SCUBE1: variants seen among roughly 807,000 people sequenced by gnomAD.
The protein encoded by SCUBE1 is signal peptide, CUB domain and EGF like domain containing 1, also known as signal peptide, CUB and EGF-like domain-containing protein 1.
In SCUBE1, 59 loss-of-function variants were observed where a neutral mutation model predicts 124.4. That is an observed-to-expected ratio of 0.47 (90% CI 0.38 to 0.59). SCUBE1 has a LOEUF of 0.59. Among genes scored for constraint, SCUBE1 ranks in the 20% least tolerant of loss-of-function variants. SCUBE1 has a pLI of 0.00. For missense variants in SCUBE1, 1,150 were observed against 1,371.2 expected, an observed-to-expected ratio of 0.84 and a Z score of 2.55; for synonymous variants, 545 against 550.9, an observed-to-expected ratio of 0.99 and a Z score of 0.15.
At position 43,198,571 on chromosome 22, in the gene SCUBE1, CCCT is replaced by C; in HGVS notation, c.*5423_*5425del. The C allele has an allele frequency of 2.2e-6, 1 of 456,716 alleles. No homozygotes were observed. Among genetic ancestry groups the C allele is most frequent in the South Asian group, 1.5e-5 (1 of 64,572 alleles). The allele number at this position is 456,716 out of a possible 1,614,324, so 28.3% of individuals were successfully genotyped here. On this transcript the variant is annotated 3_prime_UTR_variant, in exon 22 of 22. Transcript: ENST00000360835. ...CTCTCTCTCCACATCCTCACTCCACCCCTCATTACATCCTCTGCCCTTGGCCTG... is the reference window on the plus strand; with the variant it reads ...CTCTCTCTCCACATCCTCACTCCACCCATTACATCCTCTGCCCTTGGCCTG...
intron 3 of SCUBE1, among the ~76,000 whole-genome samples, chr22:43,310,767 C>T (rs4822278): frequency 0.46 from 69,487 of 152,096 alleles, 16,146 homozygotes; most frequent in Non-Finnish European, 0.49. Context: ...TTTCAATACA[C>T]ATTTTTTAAA....
At chr22:43,296,164 C>T (rs1001128447) in intron 3 of SCUBE1, among the ~76,000 whole-genome samples, 3 of 152,202 alleles carry the variant, frequency 2.0e-5, no homozygotes, top group Non-Finnish European at 4.4e-5. Flanking sequence ...CCTACCCTGG[C>T]GACCCCACAC....
At chr22:43,252,058 T>C (rs896353119) in intron 6 of SCUBE1, among the ~76,000 whole-genome samples, 3 of 152,234 alleles carry the variant, frequency 2.0e-5, no homozygotes, top group African/African-American at 7.2e-5. Context: ...TTTTAACTGA[T>C]TGTAATGGGA....
chr22:43,279,796 C>T (rs1017298689), intron 4 of SCUBE1, among the ~76,000 whole-genome samples: 3 of 152,176 alleles, frequency 2.0e-5, no homozygotes, highest in Admixed American at 2.0e-4. Context: ...CCGAAAGGAC[C>T]TGCCCTGGCA....
intron 15 of SCUBE1, among the ~76,000 whole-genome samples, chr22:43,214,951 C>A (rs1235327191): frequency 6.6e-6 from 1 of 152,190 alleles, no homozygotes; most frequent in Non-Finnish European, 1.5e-5. Context: ...ACGGGAGGCA[C>A]TGGCATGAAT....
intron 3 of SCUBE1, among the ~76,000 whole-genome samples, chr22:43,309,940 C>T (rs1399583107): frequency 6.6e-6 from 1 of 152,224 alleles, no homozygotes; most frequent in African/African-American, 2.4e-5. Context: ...ACCCAGGCCA[C>T]TGCAGTGGTT....
chr22:43,280,709 CCTCGGCCACCCTCCTGTCACCTTCCT>C, intron 4 of SCUBE1, among the ~76,000 whole-genome samples: 1 of 65,296 alleles, frequency 1.5e-5, no homozygotes, highest in Admixed American at 1.9e-4. Context: ...CCACCTTCCT[CCTCGGCCACCCTCCTGTCACCTTCCT>C]CCTCGGCCAC....
intron 6 of SCUBE1, among the ~76,000 whole-genome samples, chr22:43,247,522 A>G (rs1369237733): frequency 6.6e-6 from 1 of 152,130 alleles, no homozygotes; most frequent in Non-Finnish European, 1.5e-5. Flanking sequence ...GAAACCACCC[A>G]CCTTCCTTGG....
intron 9 of SCUBE1, among the ~76,000 whole-genome samples, chr22:43,228,240 C>T (rs971972325): frequency 6.6e-6 from 1 of 152,206 alleles, no homozygotes; most frequent in African/African-American, 2.4e-5. Flanking sequence ...CTTCACCCAC[C>T]ATGCCCATAT....
At chr22:43,251,438 G>A (rs1412236047) in intron 6 of SCUBE1, among the ~76,000 whole-genome samples, 1 of 152,238 alleles carries the variant, frequency 6.6e-6, no homozygotes, top group Admixed American at 6.5e-5. Flanking sequence ...TGGCAGAAGG[G>A]CCTCTGCAGA....
At chr22:43,206,678 G>A (rs541497577) in intron 21 of SCUBE1, among the ~76,000 whole-genome samples, 3 of 152,124 alleles carry the variant, frequency 2.0e-5, no homozygotes, top group African/African-American at 7.2e-5. Context: ...GCTCTGGTGC[G>A]TGTGAGGAGC....
intron 2 of SCUBE1, among the ~76,000 whole-genome samples, chr22:43,328,947 G>A (rs1475597017): frequency 6.6e-6 from 1 of 152,204 alleles, no homozygotes; most frequent in Non-Finnish European, 1.5e-5. Flanking sequence ...CTAGAAGGTG[G>A]TGAAGGCAAC....
At chr22:43,227,337 G>A (rs772984094) in intron 10 of SCUBE1, 37 bp downstream of exon 10, 79 of 1,592,416 alleles carry the variant, frequency 5.0e-5, no homozygotes, top group Admixed American at 2.2e-4. Flanking sequence ...AAGCCCAGGT[G>A]CAGGGGAGGG....
At chr22:43,285,382 T>A (rs2413753) in intron 4 of SCUBE1, among the ~76,000 whole-genome samples, 7 of 152,144 alleles carry the variant, frequency 4.6e-5, no homozygotes, top group African/African-American at 1.2e-4. Context: ...TTCCTTCCCC[T>A]CTCTGTCCTT....
At chr22:43,257,419 G>A (rs1274497815) in intron 6 of SCUBE1, among the ~76,000 whole-genome samples, 1 of 152,208 alleles carries the variant, frequency 6.6e-6, no homozygotes, top group Non-Finnish European at 1.5e-5. Context: ...GTTAAAAAAT[G>A]TGCTGCTATT....
chr22:43,231,082 T>C (rs1427900356), intron 8 of SCUBE1, among the ~76,000 whole-genome samples: 1 of 152,166 alleles, frequency 6.6e-6, no homozygotes, highest in Non-Finnish European at 1.5e-5. Flanking sequence ...ACCTGTCTCC[T>C]TCCTCATGGC....
chr22:43,339,225 G>C lies in SCUBE1; in HGVS notation c.99C>G (p.Asp33Glu). ...AGGSGLPGSVDVDECSEGTDD... is the reference protein window; with the variant it reads ...AGGSGLPGSVEVDECSEGTDD... ...CTGTGCCCTCTGAGCACTCATCCAC[G>C]TCGACTGACCCTGTGGGTAGGGGTG... The change falls in exon 2 of 22, where the codon GAC becomes GAG. Residue 33 changes from aspartate to glutamate, a missense_variant. By Grantham distance (45) the Asp-to-Glu change is conservative. Coordinates refer to ENST00000360835, the MANE Select transcript of SCUBE1 (RefSeq NM_173050.5). 1 of 1,613,494 alleles carries C rather than the reference G, an allele frequency of 6.2e-7. No individual in the cohort carries two copies. Among genetic ancestry groups the C allele is most frequent in the Non-Finnish European group, 8.5e-7 (1 of 1,179,614 alleles).
chr22:43,221,097 G>A, intron 13 of SCUBE1, 76 bp downstream of exon 13: 1 of 1,186,296 alleles, frequency 8.4e-7, no homozygotes, highest in Non-Finnish European at 1.2e-6. Context: ...GCTGGACCCT[G>A]GGGCCCCAGC....
chr22:43,198,151 T>G lies in SCUBE1; in HGVS notation c.*5846A>C, dbSNP rs1288448021. 2 of 219,624 alleles carry G rather than the reference T, an allele frequency of 9.1e-6. No homozygotes were observed. The allele number at this position is 219,624 out of a possible 1,614,324, so 13.6% of individuals were successfully genotyped here. On this transcript the variant is annotated 3_prime_UTR_variant, in exon 22 of 22. Transcript: ENST00000360835. ...TCTACATGGGGCTGGGGGGATGGAA[T>G]GTGTGGATATTAGAGGGTTGAGCCC...
Sources: allele counts gnomAD v4.1 joint callset (sites outside exome capture counted in the v4.1 genomes callset), GRCh38; gene constraint gnomAD v4.1.1; transcripts MANE v1.5; gene names NCBI Gene and HGNC (gene_info 2026-07-23, HGNC 2026-07-21).